Variants in CPOX observed in about 807,000 individuals in gnomAD.
CPOX encodes coproporphyrinogen oxidase.
CPOX carries 24 observed loss-of-function variants against 48.9 expected under a neutral mutation model. That is an observed-to-expected ratio of 0.49 (90% CI 0.36 to 0.69). The LOEUF is 0.69. CPOX is among the 30% of genes least tolerant of loss of function. The pLI is 0.00. For synonymous variants in CPOX, 249 were observed against 234.6 expected, an observed-to-expected ratio of 1.06 and a Z score of -0.56; for missense variants, 549 against 597.3, an observed-to-expected ratio of 0.92 and a Z score of 0.84.
chr3:98,592,823 G>A (rs1707505426), intron 1 of CPOX, 126 bp downstream of exon 1: 2 of 1,008,564 alleles, frequency 2.0e-6, no homozygotes, highest in African/African-American at 3.2e-5. Flanking sequence ...CTAACCAAGC[G>A]GCCTCTCTGT....
chr3:98,587,869 C>G (rs1707395956), intron 4 of CPOX, among the ~76,000 whole-genome samples: 1 of 152,084 alleles, frequency 6.6e-6, no homozygotes, highest in South Asian at 2.1e-4. Context: ...ACTGTCTACT[C>G]TATTAGTCCT....
chr3:98,584,939 A>G (rs893736525), intron 5 of CPOX, among the ~76,000 whole-genome samples: 1 of 152,250 alleles, frequency 6.6e-6, no homozygotes, highest in Non-Finnish European at 1.5e-5. Flanking sequence ...CTCTTGGGCA[A>G]CAGACTTAAC....
At chr3:98,589,514 A>AACACACACAC (rs113400986) in intron 3 of CPOX, 8,735 of 151,842 alleles carry the variant, frequency 0.058, 434 homozygotes, top group East Asian at 0.19. Context: ...GATCACAATA[A>AACACACACAC]ACACACACAC....
chr3:98,582,907 C>G (rs1453669887), intron 5 of CPOX, among the ~76,000 whole-genome samples: 2 of 152,194 alleles, frequency 1.3e-5, no homozygotes, highest in Non-Finnish European at 2.9e-5. Context: ...TTATCATTGA[C>G]TTTTACGTAC....
Position 98,579,807 on chromosome 3 carries a change from A to C in CPOX, c.*876T>G, listed in dbSNP as rs761403736. The C allele has an allele frequency of 2.0e-6, 2 of 985,412 alleles. No homozygotes were observed. The highest frequency in any genetic ancestry group is 2.3e-4 in the East Asian group (2 of 8,832). 61.0% of individuals were successfully genotyped at this position (985,412 alleles called of 1,614,324 possible). ...CTCATACTATATATACTTGCTTTAA[A>C]GAAGGAAATTATTTCTCATTTCATT... On this transcript the variant is annotated 3_prime_UTR_variant, in exon 7 of 7. Coordinates refer to ENST00000647941, the MANE Select transcript of CPOX (RefSeq NM_000097.7).
intron 1 of CPOX, among the ~76,000 whole-genome samples, 183 bp from the exon 2 acceptor site, chr3:98,591,338 CA>C (rs1279935357): frequency 6.6e-6 from 1 of 152,180 alleles, no homozygotes. Context: ...TAATATTGGG[CA>C]AATACTAGAC....
At position 98,585,582 on chromosome 3, in the gene CPOX, G is replaced by A. The variant is rs1374535430; in HGVS notation, c.1031C>T (p.Ser344Phe). The A allele has an allele frequency of 1.2e-6, 2 of 1,613,964 alleles. No individual in the cohort carries two copies. Among genetic ancestry groups the A allele is most frequent in the South Asian group, 2.2e-5 (2 of 91,072 alleles). ...IGGIFFDDLD[S>F]PSKEEVFRFV... ...GCGAAACACCTCCTCCTTGGACGGAGAGTCAAGATCATCAAAAAAGATACC... is the reference window on the plus strand; with the variant it reads ...GCGAAACACCTCCTCCTTGGACGGAAAGTCAAGATCATCAAAAAAGATACC... Residue 344 changes from serine (S) to phenylalanine (F), a missense_variant, in exon 5 of 7, where the codon TCT becomes TTT. Transcript: ENST00000647941.
intron 4 of CPOX, among the ~76,000 whole-genome samples, chr3:98,588,100 T>G (rs1392215394): frequency 6.6e-6 from 1 of 152,204 alleles, no homozygotes; most frequent in Non-Finnish European, 1.5e-5. Context: ...AGACAAAAAT[T>G]CTTTGTCCTT....
At chr3:98,572,402 G>A in the CPOX span, among the ~76,000 whole-genome samples, 1 of 151,810 alleles carries the variant, frequency 6.6e-6, no homozygotes, top group Non-Finnish European at 1.5e-5. Context: ...GAAGTATTTT[G>A]TCTTAAAGGT....
At position 98,579,593 on chromosome 3, in the gene CPOX, T is replaced by C. The variant is rs1707212963; in HGVS notation, c.*1090A>G. ...ATGATATGTATGAGATGCTCTTCCT[T>C]ATAAACTTTATTACGAAGCAAATAA... On this transcript the variant is annotated 3_prime_UTR_variant, in exon 7 of 7. Coordinates refer to ENST00000647941, the MANE Select transcript of CPOX (RefSeq NM_000097.7). 1 of 985,060 alleles carries C rather than the reference T, an allele frequency of 1.0e-6. No individual in the cohort carries two copies. Among genetic ancestry groups the C allele is most frequent in the Non-Finnish European group, 1.2e-6 (1 of 829,674 alleles). The allele number at this position is 985,060 out of a possible 1,614,324, so 61.0% of individuals were successfully genotyped here.
At chr3:98,575,847 C>T (rs1466291908), downstream of CPOX, among the ~76,000 whole-genome samples, 23 of 144,928 alleles carry the variant, frequency 1.6e-4, no homozygotes, top group African/African-American at 5.9e-4. Flanking sequence ...GCAGGTGGAC[C>T]ACCTGAGGTC....
In CPOX at chr3:98,585,773, C is replaced by T. The variant is rs1021271463; in HGVS notation, c.954-114G>A. ...CCTCAACTAATGTCAGGATGGTGTC[C>T]TTACTTGCTGTCCAACTATGAAAAT... On this transcript the variant is annotated intron_variant, in intron 4 of 6. Transcript: ENST00000647941. 9.6e-6 allele frequency: 8 copies of T among 832,388 alleles called. No homozygotes were observed. The African/African-American group carries it at 1.0e-4, about 11-fold the overall frequency. 51.6% of individuals were successfully genotyped at this position (832,388 alleles called of 1,614,324 possible). A position where few individuals can be genotyped will look rare whatever the true frequency, so the allele number is the denominator to read the frequency against.
chr3:98,571,455 G>A, the CPOX span, among the ~76,000 whole-genome samples: 8 of 151,854 alleles, frequency 5.3e-5, no homozygotes, highest in South Asian at 2.1e-4. Context: ...TTGGGAGGCC[G>A]AGGCGGGCGG....
intron 1 of CPOX, 28 bp from the exon 2 acceptor site, chr3:98,591,183 G>T: frequency 2.5e-6 from 4 of 1,613,838 alleles, no homozygotes; most frequent in Non-Finnish European, 3.4e-6. Flanking sequence ...AAAAAGGAGA[G>T]AATGTAAGAG....
the CPOX span, among the ~76,000 whole-genome samples, chr3:98,572,458 A>T: frequency 6.6e-6 from 1 of 152,174 alleles, no homozygotes; most frequent in Non-Finnish European, 1.5e-5. Flanking sequence ...CACTTGAAAT[A>T]TTTTAACAGT....
Position 98,585,423 on chromosome 3 carries a change from C to A in CPOX, c.1172+18G>T, listed in dbSNP as rs778350493. The A allele has an allele frequency of 1.9e-6, 3 of 1,607,090 alleles. No individual in the cohort carries two copies. The highest frequency in any genetic ancestry group is 2.6e-6 in the Non-Finnish European group (3 of 1,174,402). On this transcript the variant is annotated intron_variant, in intron 5 of 6. Coordinates refer to ENST00000647941, the MANE Select transcript of CPOX (RefSeq NM_000097.7). ...TCCCCCACTTAGCCATGAAAGAATT[C>A]GTTTTCCAGTCACTTACCGTCCTCT... is the stretch of plus-strand genomic sequence containing the variant.
rs759627667 is a variant in CPOX at position 98,581,515 on chromosome 3, C to T, written c.1173-4G>A. ...CAGCAGATTAAATTCTACATACCTG[C>T]CATAAATACATCAAATAACATTAAG... is the stretch of plus-strand genomic sequence containing the variant. On this transcript the variant is annotated splice_region_variant and splice_polypyrimidine_tract_variant and intron_variant, in intron 5 of 6. Coordinates refer to ENST00000647941, the MANE Select transcript of CPOX (RefSeq NM_000097.7). The T allele has an allele frequency of 1.9e-6, 3 of 1,604,742 alleles. No homozygotes were observed. The highest frequency in any genetic ancestry group is 2.2e-5 in the East Asian group (1 of 44,824).
downstream of CPOX, among the ~76,000 whole-genome samples, chr3:98,579,204 G>T (rs1168480620): frequency 6.6e-6 from 1 of 152,192 alleles, no homozygotes; most frequent in African/African-American, 2.4e-5. Context: ...TGTAAGAAGA[G>T]TATATAATAC....
At position 98,580,488 on chromosome 3, in the gene CPOX, ACT is replaced by A. The variant is rs1393318181; in HGVS notation, c.*193_*194del. On this transcript the variant is annotated 3_prime_UTR_variant, in exon 7 of 7. Coordinates refer to ENST00000647941, the MANE Select transcript of CPOX (RefSeq NM_000097.7). ...AGTATAAATGAGGTTTAATCAATTG[ACT>A]CTGACAATCTGCCATCTCACCATTC... is the stretch of plus-strand genomic sequence containing the variant. 3.5e-6 allele frequency: 5 copies of A among 1,428,378 alleles called. No individual in the cohort carries two copies. The East Asian group carries it at 7.8e-5, about 22-fold the overall frequency. The allele number at this position is 1,428,378 out of a possible 1,614,324, so 88.5% of individuals were successfully genotyped here.
Sources: allele counts gnomAD v4.1 joint callset (sites outside exome capture counted in the v4.1 genomes callset), GRCh38; gene constraint gnomAD v4.1.1; transcripts MANE v1.5; gene names NCBI Gene and HGNC (gene_info 2026-07-23, HGNC 2026-07-21).